Variants in BRINP3 observed in about 807,000 individuals in gnomAD.
BRINP3 encodes BMP/retinoic acid inducible neural specific 3, also known as BMP/retinoic acid-inducible neural-specific protein 3.
A neutral mutation model predicts 71.0 loss-of-function variants in BRINP3; 19 were observed. The ratio of observed to expected loss-of-function variants is 0.27; its 90% confidence interval spans 0.19 to 0.39. The LOEUF (loss-of-function observed/expected upper bound fraction) is 0.39, where lower values mean the gene tolerates loss of function less well. Among genes scored for constraint, BRINP3 ranks in the 10% least tolerant of loss-of-function variants. The pLI is 1.00. For missense variants in BRINP3, 959 were observed against 940.8 expected (o/e 1.02, Z -0.25); for synonymous variants, 380 against 337.7 (o/e 1.13, Z -1.37).
intron 6 of BRINP3, among the ~76,000 whole-genome samples, chr1:190,206,429 T>G (rs1239599849): frequency 6.6e-6 from 1 of 151,968 alleles, no homozygotes; most frequent in Non-Finnish European, 1.5e-5. Flanking sequence ...GGTAGAAATA[T>G]AAATATAAAT....
chr1:190,187,954 A>G (rs1436433983), intron 6 of BRINP3, among the ~76,000 whole-genome samples: 3 of 151,686 alleles, frequency 2.0e-5, no homozygotes, highest in African/African-American at 7.3e-5. Context: ...GATTTAATCT[A>G]TAGATTGTTT....
At chr1:190,202,642 T>A (rs1452182951) in intron 6 of BRINP3, among the ~76,000 whole-genome samples, 1 of 151,922 alleles carries the variant, frequency 6.6e-6, no homozygotes, top group African/African-American at 2.4e-5. Flanking sequence ...ATTGAATCAT[T>A]GGGACAGGTC....
At chr1:190,262,911 GTA>G (rs1039414598) in intron 4 of BRINP3, among the ~76,000 whole-genome samples, 1 of 151,350 alleles carries the variant, frequency 6.6e-6, no homozygotes, top group South Asian at 2.1e-4. Context: ...GTGTGTGTGT[GTA>G]TATATATATA....
At chr1:190,411,970 G>A (rs932259000) in intron 2 of BRINP3, among the ~76,000 whole-genome samples, 3 of 152,210 alleles carry the variant, frequency 2.0e-5, no homozygotes, top group African/African-American at 7.2e-5. Flanking sequence ...AGAGCTGTCA[G>A]ACCCCAGCAT....
At chr1:190,147,045 T>C (rs1164581493) in intron 7 of BRINP3, among the ~76,000 whole-genome samples, 1 of 152,022 alleles carries the variant, frequency 6.6e-6, no homozygotes, top group African/African-American at 2.4e-5. Flanking sequence ...TTCTTTTCTG[T>C]TATATTTTCT....
intron 2 of BRINP3, among the ~76,000 whole-genome samples, chr1:190,445,608 A>G (rs995904610): frequency 4.6e-5 from 7 of 151,760 alleles, no homozygotes; most frequent in Non-Finnish European, 1.0e-4. Context: ...CTCAAGAAAA[A>G]TGTCAGGGAA....
At chr1:190,200,499 C>G (rs1276451612) in intron 6 of BRINP3, among the ~76,000 whole-genome samples, 1 of 152,040 alleles carries the variant, frequency 6.6e-6, no homozygotes, top group Non-Finnish European at 1.5e-5. Flanking sequence ...TTTCATATAA[C>G]CTTTATTTTT....
At chr1:190,161,633 A>G (rs1650972843) in intron 6 of BRINP3, among the ~76,000 whole-genome samples, 1 of 152,124 alleles carries the variant, frequency 6.6e-6, no homozygotes, top group Admixed American at 6.6e-5. Flanking sequence ...CATTAGGAAT[A>G]AAAGTTGATG....
intron 1 of BRINP3, among the ~76,000 whole-genome samples, chr1:190,465,032 A>T (rs1676646020): frequency 6.6e-6 from 1 of 152,012 alleles, no homozygotes; most frequent in South Asian, 2.1e-4. Context: ...CTAATGGTAG[A>T]ACTGATTAGA....
rs571478695 is a variant in BRINP3 at position 190,396,125 on chromosome 1, C to G, written c.236+58530G>C. ...ATTTGAAGGCAGAGAATATTATTGC[C>G]ATTGTGTAGATGGGAAACCCAGGAG... On this transcript the variant is annotated intron_variant, in intron 2 of 7. Transcript: ENST00000367462. 4.0e-5 allele frequency among the ~76,000 whole-genome samples: 6 copies of G among 151,796 alleles called. No homozygotes were observed. In the East Asian group the frequency reaches 1.2e-3, roughly 29 times the overall value.
intron 2 of BRINP3, among the ~76,000 whole-genome samples, chr1:190,321,502 T>G (rs1434503080): frequency 6.6e-6 from 1 of 152,088 alleles, no homozygotes; most frequent in African/African-American, 2.4e-5. Context: ...TTCAAAAATT[T>G]TTTAAAGTTT....
intron 2 of BRINP3, among the ~76,000 whole-genome samples, chr1:190,407,274 C>A (rs1672341769): frequency 6.6e-6 from 1 of 152,112 alleles, no homozygotes; most frequent in African/African-American, 2.4e-5. Context: ...ATCAGCAAAG[C>A]AATTTATTGA....
intron 7 of BRINP3, among the ~76,000 whole-genome samples, chr1:190,158,740 A>G (rs925199240): frequency 2.6e-5 from 4 of 152,026 alleles, no homozygotes; most frequent in Admixed American, 2.0e-4. Context: ...AGAGGAAAAA[A>G]TAATAGAATT....
At chr1:190,240,010 A>G (rs559572997) in intron 4 of BRINP3, among the ~76,000 whole-genome samples, 8 of 151,680 alleles carry the variant, frequency 5.3e-5, no homozygotes, top group African/African-American at 1.4e-4. Flanking sequence ...TCAAGGCTAC[A>G]ATTACTACTG....
chr1:190,106,287 TTA>T (rs1245218805), intron 7 of BRINP3, among the ~76,000 whole-genome samples: 1 of 151,676 alleles, frequency 6.6e-6, no homozygotes, highest in Non-Finnish European at 1.5e-5. Context: ...GAAAATGATT[TTA>T]TATATATAAC....
chr1:190,445,238 T>C (rs893890261), intron 2 of BRINP3, among the ~76,000 whole-genome samples: 1 of 152,136 alleles, frequency 6.6e-6, no homozygotes, highest in Non-Finnish European at 1.5e-5. Flanking sequence ...AATTAAAATC[T>C]ATTATAAACC....
chr1:190,309,551 C>T (rs998376838), intron 2 of BRINP3, among the ~76,000 whole-genome samples: 2 of 151,668 alleles, frequency 1.3e-5, no homozygotes, highest in Non-Finnish European at 3.0e-5. Context: ...ATAGTTCCAA[C>T]AAAAATAATT....
intron 6 of BRINP3, among the ~76,000 whole-genome samples, chr1:190,177,098 G>A (rs147701237): frequency 1.3e-5 from 2 of 150,198 alleles, no homozygotes; most frequent in Non-Finnish European, 3.0e-5. Context: ...TTGACTACTA[G>A]GCCAAAATCT....
At position 190,170,475 on chromosome 1, in the gene BRINP3, A is replaced by G. The variant is rs2102494294; in HGVS notation, c.962-9585T>C. On this transcript the variant is annotated intron_variant, in intron 6 of 7. Transcript: ENST00000367462. ...TGAACCTAAATATAAACATCTACAGACTAGTTCATGTGGAAAAGCAGTTAG... is the reference window on the plus strand; with the variant it reads ...TGAACCTAAATATAAACATCTACAGGCTAGTTCATGTGGAAAAGCAGTTAG... Among the ~76,000 whole-genome samples the G allele has an allele frequency of 2.0e-5, 3 of 152,272 alleles. No homozygotes were observed. The South Asian group carries it at 6.2e-4, about 32-fold the overall frequency.
Sources: allele counts gnomAD v4.1 joint callset (sites outside exome capture counted in the v4.1 genomes callset), GRCh38; gene constraint gnomAD v4.1.1; transcripts MANE v1.5; gene names NCBI Gene and HGNC (gene_info 2026-07-23, HGNC 2026-07-21).